The following EFL1 variants were observed in gnomAD, a reference collection of about 807,000 sequenced individuals.
The protein encoded by EFL1 is elongation factor like GTPase 1, also known as elongation factor-like GTPase 1.
Under a neutral mutation model 126.7 loss-of-function variants are expected in EFL1, and 76 were observed. That is an observed-to-expected ratio of 0.60 (90% confidence interval 0.50 to 0.73). The LOEUF (loss-of-function observed/expected upper bound fraction) is 0.73, where lower values mean the gene tolerates loss of function less well. EFL1 is among the 30% of genes least tolerant of loss of function. The probability of loss-of-function intolerance (pLI) is 0.00; values close to 1 mark genes in which losing one functional copy is unlikely to be tolerated. For missense variants in EFL1, 1,128 were observed against 1,343.2 expected (o/e 0.84, Z 2.50); for synonymous variants, 410 against 448.4 (o/e 0.91, Z 1.08).
chr15:82,253,825 C>T (rs2075044812), intron 3 of EFL1, among the ~76,000 whole-genome samples: 1 of 152,164 alleles, frequency 6.6e-6, no homozygotes, highest in Non-Finnish European at 1.5e-5. Flanking sequence ...TGCATCAGTA[C>T]TGACAGTGGT....
In EFL1 at chr15:82,227,145, G is replaced by A. The variant is rs532563979; in HGVS notation, c.1192+305C>T. ...AAGAATTAGAGATAAGAAAATACGT[G>A]GAGACAAATTTCATGGAACCTACAA... On this transcript the variant is annotated intron_variant, in intron 11 of 19. Transcript: ENST00000268206. Among the ~76,000 whole-genome samples, 16 of 152,254 alleles carry A rather than the reference G, an allele frequency of 1.1e-4. No individual in the cohort carries two copies. In the East Asian group the frequency reaches 2.3e-3, roughly 22 times the overall value.
intron 18 of EFL1, among the ~76,000 whole-genome samples, chr15:82,150,246 G>GA (rs889460491): frequency 4.0e-5 from 6 of 151,400 alleles, no homozygotes; most frequent in African/African-American, 7.3e-5. Context: ...TTTCTTTTGG[G>GA]AAAAAAAACA....
At chr15:82,174,282 AT>A (rs1201286121) in intron 15 of EFL1, 1 of 152,076 alleles carries the variant, frequency 6.6e-6, no homozygotes, top group Non-Finnish European at 1.5e-5. Context: ...AGCTTCCCAC[AT>A]TTGGGGAAAT....
At chr15:82,173,781 C>A (rs938852299) in intron 15 of EFL1, among the ~76,000 whole-genome samples, 1 of 152,056 alleles carries the variant, frequency 6.6e-6, no homozygotes, top group Non-Finnish European at 1.5e-5. Flanking sequence ...ATAGTGGCTA[C>A]GTCTGGATAG....
chr15:82,187,255 T>G (rs954936951), intron 15 of EFL1, among the ~76,000 whole-genome samples: 1 of 152,204 alleles, frequency 6.6e-6, no homozygotes, highest in Non-Finnish European at 1.5e-5. Flanking sequence ...TTCTTTCTAA[T>G]AGCGAAAACA....
intron 7 of EFL1, among the ~76,000 whole-genome samples, chr15:82,237,965 A>T (rs558253575): frequency 1.3e-5 from 2 of 152,308 alleles, no homozygotes; most frequent in East Asian, 3.9e-4. Flanking sequence ...TGAAATGAGA[A>T]ATTTGGAGAT....
At chr15:82,246,128 G>C (rs997013810) in intron 4 of EFL1, among the ~76,000 whole-genome samples, 5 of 151,994 alleles carry the variant, frequency 3.3e-5, no homozygotes, top group Non-Finnish European at 7.4e-5. Context: ...CCCGCTTTTG[G>C]TTTTTCTCAG....
chr15:82,149,527 T>C (rs1031295151), intron 18 of EFL1, among the ~76,000 whole-genome samples: 1 of 152,204 alleles, frequency 6.6e-6, no homozygotes, highest in African/African-American at 2.4e-5. Context: ...CACAGACATG[T>C]TCTCTACTGG....
chr15:82,235,614 T>A (rs1459949449), intron 7 of EFL1, among the ~76,000 whole-genome samples: 1 of 152,106 alleles, frequency 6.6e-6, no homozygotes, highest in Non-Finnish European at 1.5e-5. Flanking sequence ...ATATATTAAT[T>A]AATACAGAAA....
In EFL1 at chr15:82,130,605, A is replaced by T. The variant is rs773419371; in HGVS notation, c.3175-44T>A. The T allele has an allele frequency of 4.4e-6, 7 of 1,598,752 alleles. No individual in the cohort carries two copies. In the Admixed American group the frequency reaches 1.2e-4, roughly 27 times the overall value. On this transcript the variant is annotated intron_variant, in intron 19 of 19. Transcript: ENST00000268206. ...AGAATGTGCAAGGTTAGGCATTTTT[A>T]ATTTCAAACCTTATTCACTGAGCTC...
intron 19 of EFL1, among the ~76,000 whole-genome samples, chr15:82,138,109 T>A (rs868837852): frequency 4.6e-5 from 7 of 152,276 alleles, no homozygotes; most frequent in Admixed American, 3.3e-4. Context: ...GGGTTCTGAG[T>A]AGCCATTTCG....
At position 82,261,679 on chromosome 15, in the gene EFL1, T is replaced by C. The variant is rs373675663; in HGVS notation, c.91+9A>G. ...TTATCAAAATAAGCCATTTAAAAAG[T>C]ATTCTTACCATGGTCAACATGAGCC... is the stretch of plus-strand genomic sequence containing the variant. On this transcript the variant is annotated intron_variant, in intron 2 of 19. Transcript: ENST00000268206. 31 of 1,612,606 alleles carry C rather than the reference T, an allele frequency of 1.9e-5. No individual in the cohort carries two copies. The highest frequency in any genetic ancestry group is 2.6e-5 in the Non-Finnish European group (31 of 1,179,470).
chr15:82,139,043 T>C (rs2073757068), intron 18 of EFL1, among the ~76,000 whole-genome samples: 1 of 152,104 alleles, frequency 6.6e-6, no homozygotes, highest in Admixed American at 6.6e-5. Flanking sequence ...AAACAAAAAA[T>C]AACAAAAAGT....
chr15:82,258,245 CTTTAAT>C (rs1207946057), intron 3 of EFL1, among the ~76,000 whole-genome samples: 2 of 152,204 alleles, frequency 1.3e-5, no homozygotes, highest in Non-Finnish European at 2.9e-5. Flanking sequence ...ATAAAGATCT[CTTTAAT>C]TTTATTTCCT....
intron 15 of EFL1, among the ~76,000 whole-genome samples, chr15:82,197,644 A>T (rs1460898610): frequency 6.6e-6 from 1 of 152,204 alleles, no homozygotes; most frequent in Non-Finnish European, 1.5e-5. Flanking sequence ...AATTTCCAAG[A>T]TGAAGAGAAA....
At chr15:82,182,397 C>G (rs187170834) in intron 15 of EFL1, among the ~76,000 whole-genome samples, 2 of 152,300 alleles carry the variant, frequency 1.3e-5, no homozygotes, top group Admixed American at 1.3e-4. Flanking sequence ...CTAACTCAAT[C>G]TTAGGTTTTC....
At chr15:82,197,854 A>G (rs1567059629) in intron 15 of EFL1, among the ~76,000 whole-genome samples, 1 of 152,146 alleles carries the variant, frequency 6.6e-6, no homozygotes, top group Non-Finnish European at 1.5e-5. Flanking sequence ...GCCTCCAGTA[A>G]TAAAAAGTGC....
chr15:82,157,976 T>C, intron 16 of EFL1, 116 bp from the exon 17 acceptor site: 2 of 1,177,106 alleles, frequency 1.7e-6, no homozygotes, highest in East Asian at 2.6e-5. Context: ...AAAACAACAA[T>C]TTATTTTTCT....
chr15:82,147,166 A>T (rs1310862614), intron 18 of EFL1, among the ~76,000 whole-genome samples: 6 of 152,170 alleles, frequency 3.9e-5, no homozygotes, highest in Non-Finnish European at 8.8e-5. Context: ...TGTGCTGAAA[A>T]TTCATCTTCC....
Sources: gnomAD v4.1 joint callset for allele counts (sites outside exome capture counted in the v4.1 genomes callset) on GRCh38, gnomAD v4.1.1 for gene constraint, MANE v1.5 for transcripts, NCBI Gene and HGNC (gene_info 2026-07-23, HGNC 2026-07-21) for gene names.